The following DCC variants were observed in gnomAD, a reference collection of about 807,000 sequenced individuals.
DCC encodes the protein netrin receptor DCC.
Under a neutral mutation model 172.5 loss-of-function variants are expected in DCC, and 58 were observed. That is an observed-to-expected ratio of 0.34 (90% CI 0.27 to 0.42). The LOEUF (loss-of-function observed/expected upper bound fraction) is 0.42, where lower values mean the gene tolerates loss of function less well. Ranked by LOEUF, DCC falls within the 10% of genes least tolerant of loss-of-function variation. The probability of loss-of-function intolerance (pLI) is 1.00; values close to 1 mark genes in which losing one functional copy is unlikely to be tolerated. For synonymous variants in DCC, 709 were observed against 644.5 expected, an observed-to-expected ratio of 1.10 and a Z score of -1.52; for missense variants, 1,740 against 1,791.0, an observed-to-expected ratio of 0.97 and a Z score of 0.51.
At chr18:53,370,108 T>C (rs2058045061) in intron 15 of DCC, among the ~76,000 whole-genome samples, 1 of 151,866 alleles carries the variant, frequency 6.6e-6, no homozygotes, top group South Asian at 2.1e-4. Context: ...GTTGGGGAAT[T>C]TTTGATTAGT....
intron 14 of DCC, among the ~76,000 whole-genome samples, chr18:53,339,446 G>A (rs1301330726): frequency 2.0e-5 from 3 of 152,078 alleles, no homozygotes; most frequent in Non-Finnish European, 4.4e-5. Context: ...AAAAGCCCAA[G>A]TAAGACGCTA....
At chr18:52,497,281 A>AAAAAG (rs2030811540) in intron 1 of DCC, among the ~76,000 whole-genome samples, 1 of 20,394 alleles carries the variant, frequency 4.9e-5, no homozygotes, top group Non-Finnish European at 9.7e-5. Context: ...AAAAAAAAAA[A>AAAAAG]TATATATATA....
At chr18:52,655,273 A>G (rs962300584) in intron 1 of DCC, among the ~76,000 whole-genome samples, 4 of 152,202 alleles carry the variant, frequency 2.6e-5, no homozygotes, top group Admixed American at 6.5e-5. Flanking sequence ...ACTAAGTCAC[A>G]GGTGAACATT....
chr18:53,377,343 A>G (rs182328624), intron 15 of DCC, among the ~76,000 whole-genome samples: 1,591 of 122,862 alleles, frequency 0.013, 19 homozygotes, highest in Admixed American at 0.037. Flanking sequence ...GGACAAGAAA[A>G]GATGCATTTG....
intron 2 of DCC, among the ~76,000 whole-genome samples, chr18:52,810,628 T>G (rs2038178019): frequency 6.6e-6 from 1 of 151,522 alleles, no homozygotes; most frequent in South Asian, 2.1e-4. Context: ...CAATGGGGAG[T>G]GCGCACTGAT....
chr18:52,702,738 T>C (rs1049676366), intron 1 of DCC, among the ~76,000 whole-genome samples: 1 of 152,150 alleles, frequency 6.6e-6, no homozygotes, highest in African/African-American at 2.4e-5. Flanking sequence ...ACATTGCAAA[T>C]TGTCATCCTT....
chr18:53,428,323 T>TATAG (rs1211593801), intron 21 of DCC, among the ~76,000 whole-genome samples: 3 of 23,892 alleles, frequency 1.3e-4, no homozygotes, highest in Non-Finnish European at 2.6e-4. Context: ...ATATATAATA[T>TATAG]AATATAATAT....
intron 5 of DCC, among the ~76,000 whole-genome samples, chr18:53,047,254 A>T (rs545148512): frequency 1.3e-4 from 2 of 15,276 alleles, no homozygotes; most frequent in African/African-American, 9.5e-4. Flanking sequence ...ATATATATAT[A>T]TATATATATA....
intron 5 of DCC, among the ~76,000 whole-genome samples, chr18:52,940,240 A>G (rs1012715760): frequency 6.6e-6 from 1 of 152,190 alleles, no homozygotes; most frequent in Non-Finnish European, 1.5e-5. Flanking sequence ...GCCTTGTATA[A>G]AATGATGGAT....
intron 1 of DCC, among the ~76,000 whole-genome samples, chr18:52,398,167 A>G (rs1986302776): frequency 6.6e-6 from 1 of 151,854 alleles, no homozygotes; most frequent in South Asian, 2.1e-4. Context: ...TAATTTACTG[A>G]TCCAGTTTTG....
intron 2 of DCC, among the ~76,000 whole-genome samples, chr18:52,828,535 G>T (rs2038554009): frequency 6.6e-6 from 1 of 152,010 alleles, no homozygotes; most frequent in Non-Finnish European, 1.5e-5. Context: ...TCAGTAGCCA[G>T]TGTGTAATCT....
At chr18:53,390,840 A>G (rs10469025) in intron 16 of DCC, among the ~76,000 whole-genome samples, 3,950 of 152,286 alleles carry the variant, frequency 0.026, 72 homozygotes, top group Middle Eastern at 0.065. Flanking sequence ...TTGCCATCCA[A>G]TAATATAAAA....
At chr18:52,494,077 T>A (rs2030638935) in intron 1 of DCC, among the ~76,000 whole-genome samples, 1 of 152,118 alleles carries the variant, frequency 6.6e-6, no homozygotes, top group African/African-American at 2.4e-5. Context: ...TTGCCTTCAC[T>A]TTTGATGGCT....
intron 15 of DCC, among the ~76,000 whole-genome samples, chr18:53,379,386 A>G (rs547236491): frequency 1.3e-5 from 2 of 152,382 alleles, no homozygotes; most frequent in Non-Finnish European, 1.5e-5. Context: ...TGCCACTGGC[A>G]TTTAATTCAC....
At chr18:53,495,689 T>C (rs1039198790) in intron 26 of DCC, among the ~76,000 whole-genome samples, 7 of 152,260 alleles carry the variant, frequency 4.6e-5, no homozygotes, top group South Asian at 2.1e-4. Context: ...GAAGTTCTCC[T>C]GGATAATATC....
chr18:52,415,010 G>T (rs1396140758), intron 1 of DCC, among the ~76,000 whole-genome samples: 1 of 152,178 alleles, frequency 6.6e-6, no homozygotes, highest in Non-Finnish European at 1.5e-5. Context: ...AATAAAATCT[G>T]TGCGTCTACA....
chr18:52,648,456 G>A (rs1049235166), intron 1 of DCC, among the ~76,000 whole-genome samples: 11 of 152,164 alleles, frequency 7.2e-5, no homozygotes, highest in African/African-American at 1.2e-4. Context: ...GCAAAGTATC[G>A]CGTAACTATG....
intron 15 of DCC, among the ~76,000 whole-genome samples, chr18:53,352,272 A>G (rs920374309): frequency 1.3e-5 from 2 of 152,132 alleles, no homozygotes; most frequent in Non-Finnish European, 2.9e-5. Context: ...GGTATTTATT[A>G]TTTGTTCTGT....
intron 12 of DCC, among the ~76,000 whole-genome samples, chr18:53,299,449 T>C (rs2057106242): frequency 6.6e-6 from 1 of 152,202 alleles, no homozygotes; most frequent in African/African-American, 2.4e-5. Context: ...CTTGAGCTTG[T>C]TCTTGATATT....
Sources: allele counts gnomAD v4.1 joint callset (sites outside exome capture counted in the v4.1 genomes callset), GRCh38; gene constraint gnomAD v4.1.1; transcripts MANE v1.5; gene names NCBI Gene and HGNC (gene_info 2026-07-23, HGNC 2026-07-21).